The following UPF2 variants were observed in gnomAD, a reference collection of about 807,000 sequenced individuals.
UPF2 encodes UPF2 regulator of nonsense mediated mRNA decay.
In UPF2, 17 loss-of-function variants were observed where a neutral mutation model predicts 141.4. That is an observed-to-expected ratio of 0.12 (90% CI 0.08 to 0.18). The LOEUF (loss-of-function observed/expected upper bound fraction) is 0.18, where lower values mean the gene tolerates loss of function less well. Among genes scored for constraint, UPF2 ranks in the 10% least tolerant of loss-of-function variants. UPF2 has a pLI of 1.00. For missense variants in UPF2, 1,152 were observed against 1,515.9 expected (o/e 0.76, Z 3.99); for synonymous variants, 540 against 498.0 (o/e 1.08, Z -1.12).
chr10:11,984,914 T>C (rs1472010493), intron 8 of UPF2, among the ~76,000 whole-genome samples: 1 of 152,082 alleles, frequency 6.6e-6, no homozygotes, highest in Non-Finnish European at 1.5e-5. Context: ...GGTTTCAACA[T>C]GGTGGCCAGG....
intron 21 of UPF2, among the ~76,000 whole-genome samples, chr10:11,926,009 T>G (rs531114873): frequency 1.3e-5 from 2 of 152,248 alleles, no homozygotes; most frequent in African/African-American, 4.8e-5. Flanking sequence ...TGGAAAGGGT[T>G]GAAGGTTGAG....
At chr10:11,934,873 C>T (rs1174656053) in intron 19 of UPF2, among the ~76,000 whole-genome samples, 3 of 152,214 alleles carry the variant, frequency 2.0e-5, no homozygotes, top group Non-Finnish European at 2.9e-5. Flanking sequence ...CAGGTGTGAG[C>T]CACTATGCCC....
intron 8 of UPF2, among the ~76,000 whole-genome samples, chr10:11,985,041 T>C (rs1588553162): frequency 6.6e-6 from 1 of 152,302 alleles, no homozygotes; most frequent in East Asian, 1.9e-4. Context: ...CAAGACAGTT[T>C]TGTGCTACCT....
At chr10:11,967,276 T>C in intron 10 of UPF2, 65 bp downstream of exon 10, 2 of 929,396 alleles carry the variant, frequency 2.2e-6, no homozygotes, top group Non-Finnish European at 3.1e-6. Flanking sequence ...TTTCACTTTA[T>C]CCACCATTTA....
In UPF2 at chr10:11,999,970, T is replaced by C; in HGVS notation, c.1694A>G (p.Lys565Arg). Residue 565 changes from lysine to arginine, a missense_variant, in exon 7 of 22, where the codon AAG becomes AGG. By Grantham distance (26) the Lys-to-Arg change is conservative. Transcript: ENST00000357604. ...CTGTAGGAAAGCATCTACTATGAGC[T>C]TGAGATGAGATCCAGTGCTGGCTTC... ...DEEASTGSHLKLIVDAFLQQL... is the reference protein window; with the variant it reads ...DEEASTGSHLRLIVDAFLQQL... 6.2e-7 allele frequency: 1 copy of C among 1,613,308 alleles called. No individual in the cohort carries two copies. The highest frequency in any genetic ancestry group is 8.5e-7 in the Non-Finnish European group (1 of 1,179,780).
intron 8 of UPF2, among the ~76,000 whole-genome samples, chr10:11,991,059 A>G (rs912236591): frequency 4.6e-5 from 7 of 152,270 alleles, no homozygotes; most frequent in Non-Finnish European, 1.0e-4. Context: ...TACGTAATAA[A>G]AAGAGGGTAA....
At chr10:12,005,053 T>G (rs1236586451) in intron 4 of UPF2, among the ~76,000 whole-genome samples, 1 of 151,798 alleles carries the variant, frequency 6.6e-6, no homozygotes, top group Admixed American at 6.6e-5. Context: ...AAATAAAATA[T>G]ATAAGCCTGG....
chr10:11,932,633 C>T (rs1832796735), intron 19 of UPF2, among the ~76,000 whole-genome samples: 1 of 152,116 alleles, frequency 6.6e-6, no homozygotes, highest in African/African-American at 2.4e-5. Context: ...CCACCTTTGC[C>T]TACTGCCTTT....
At chr10:11,948,345 G>C in intron 16 of UPF2, 24 bp downstream of exon 16, 3 of 1,522,268 alleles carry the variant, frequency 2.0e-6, no homozygotes, top group Non-Finnish European at 2.7e-6. Flanking sequence ...TGTACTCTAT[G>C]TTGCTACATA....
chr10:11,981,625 A>C (rs554271737), intron 8 of UPF2, among the ~76,000 whole-genome samples: 12 of 152,362 alleles, frequency 7.9e-5, no homozygotes, highest in Non-Finnish European at 1.5e-5. Context: ...GAAAATGCAC[A>C]TAAGTAGGTC....
At chr10:12,031,784 T>G (rs529919006) in intron 2 of UPF2, among the ~76,000 whole-genome samples, 2 of 152,188 alleles carry the variant, frequency 1.3e-5, no homozygotes, top group East Asian at 3.9e-4. Context: ...CAAAAAGTTA[T>G]ACGCATATCT....
intron 15 of UPF2, among the ~76,000 whole-genome samples, chr10:11,950,882 A>G (rs1833065318): frequency 6.6e-6 from 1 of 152,254 alleles, no homozygotes; most frequent in African/African-American, 2.4e-5. Flanking sequence ...CACAATCAGT[A>G]GCAGCACTTG....
At chr10:11,927,734 G>T (rs747300845) in intron 21 of UPF2, among the ~76,000 whole-genome samples, 1 of 152,062 alleles carries the variant, frequency 6.6e-6, no homozygotes, top group Non-Finnish European at 1.5e-5. Context: ...ATACTCAACA[G>T]ATGCTAAAGA....
chr10:12,001,225 C>T (rs1477260778), intron 6 of UPF2, among the ~76,000 whole-genome samples: 8 of 152,018 alleles, frequency 5.3e-5, no homozygotes, highest in African/African-American at 1.7e-4. Flanking sequence ...ACAAGCCTGG[C>T]CAACATGGTG....
rs1236647418 is a variant in UPF2, at chr10:11,956,177, C to A, written c.2574+143G>T. On this transcript the variant is annotated intron_variant, in intron 13 of 21. Transcript: ENST00000357604. The surrounding 1 kb of genome is among the most constrained non-coding windows in gnomAD (Gnocchi z 4.2). ...AAAAAAAAAAAGAGGAAAGTGTTTA[C>A]AGGAAATTCTTATAAAATGATTATC... 14 of 768,318 alleles carry A rather than the reference C, an allele frequency of 1.8e-5. No individual in the cohort carries two copies. Among genetic ancestry groups the A allele is most frequent in the Non-Finnish European group, 2.5e-5 (12 of 481,012 alleles). 47.6% of individuals were successfully genotyped at this position (768,318 alleles called of 1,614,324 possible).
At chr10:12,023,835 A>G (rs1384783560) in intron 3 of UPF2, among the ~76,000 whole-genome samples, 3 of 151,948 alleles carry the variant, frequency 2.0e-5, no homozygotes, top group Non-Finnish European at 2.9e-5. Flanking sequence ...CACCAAAAAT[A>G]CAAAAAATTA....
At chr10:11,947,910 G>T (rs1373238340) in intron 16 of UPF2, among the ~76,000 whole-genome samples, 1 of 151,498 alleles carries the variant, frequency 6.6e-6, no homozygotes, top group African/African-American at 2.4e-5. Flanking sequence ...TAAACAAGGG[G>T]TTTTATGATA....
At chr10:12,037,182 T>C (rs1834645221) in intron 1 of UPF2, among the ~76,000 whole-genome samples, 1 of 152,092 alleles carries the variant, frequency 6.6e-6, no homozygotes, top group Non-Finnish European at 1.5e-5. Context: ...CCTCGCAGGC[T>C]CAAGTGACCC....
rs1003702915 is a variant in UPF2, at chr10:11,940,946, G to A, written c.3378+1719C>T. ...CCCTTAAATTTTCACCTGGATGGAT[G>A]GCTCCACTTTACTTTGCCCTGTTTG... is the stretch of plus-strand genomic sequence containing the variant. On this transcript the variant is annotated intron_variant, in intron 18 of 21. Coordinates refer to ENST00000357604, the MANE Select transcript of UPF2 (RefSeq NM_015542.4). This position sits in a 1 kb window ranked among gnomAD's most constrained non-coding sequence, Gnocchi z 4.2. Among the ~76,000 whole-genome samples the A allele has an allele frequency of 2.0e-5, 3 of 151,930 alleles. No individual in the cohort carries two copies. The highest frequency in any genetic ancestry group is 7.3e-5 in the African/African-American group (3 of 41,332).
Sources: gnomAD v4.1 joint callset for allele counts (sites outside exome capture counted in the v4.1 genomes callset) on GRCh38, gnomAD v4.1.1 for gene constraint, Gnocchi (gnomAD v3.1) non-coding constraint, MANE v1.5 for transcripts, NCBI Gene and HGNC (gene_info 2026-07-23, HGNC 2026-07-21) for gene names.